SLC1A1: variants seen among roughly 807,000 people sequenced by gnomAD.
SLC1A1 encodes the protein solute carrier family 1 member 1, also known as excitatory amino acid transporter 3.
SLC1A1 carries 43 observed loss-of-function variants against 53.3 expected under a neutral mutation model. The observed-to-expected ratio is 0.81, with a 90% CI of 0.63 to 1.04. The LOEUF (loss-of-function observed/expected upper bound fraction) is 1.04, where lower values mean the gene tolerates loss of function less well. SLC1A1 is among the 50% of genes least tolerant of loss of function. SLC1A1 has a pLI of 0.00. For missense variants in SLC1A1, 748 were observed against 664.9 expected (o/e 1.12, Z -1.37); for synonymous variants, 307 against 243.2 (o/e 1.26, Z -2.44).
At chr9:4,580,651 G>GTGTGTGTGTGTGTGTGTGTGTA (rs370378540) in intron 10 of SLC1A1, among the ~76,000 whole-genome samples, 28 of 118,838 alleles carry the variant, frequency 2.4e-4, no homozygotes, top group Admixed American at 6.8e-4. Flanking sequence ...GTGTGTGTGT[G>GTGTGTGTGTGTGTGTGTGTGTA]TATAAGGAAT....
chr9:4,568,365 C>G (rs1158810401), intron 6 of SLC1A1, among the ~76,000 whole-genome samples: 1 of 151,490 alleles, frequency 6.6e-6, no homozygotes, highest in Non-Finnish European at 1.5e-5. Context: ...CTGCAGTGAG[C>G]CATGATTGAA....
chr9:4,568,562 C>G (rs1008075264), intron 6 of SLC1A1, among the ~76,000 whole-genome samples: 12 of 151,766 alleles, frequency 7.9e-5, no homozygotes, highest in Non-Finnish European at 1.5e-4. Context: ...ATGCACAAAA[C>G]ATTTTAATAT....
intron 6 of SLC1A1, among the ~76,000 whole-genome samples, chr9:4,571,858 C>T (rs1179011431): frequency 6.6e-6 from 1 of 152,004 alleles, no homozygotes; most frequent in Non-Finnish European, 1.5e-5. Context: ...TTTAAGCAGA[C>T]TCCAAATGTA....
rs535828582 is a variant in SLC1A1, at chr9:4,556,163, G to A, written c.233-5286G>A. Among the ~76,000 whole-genome samples, 47 of 152,030 alleles carry A rather than the reference G, an allele frequency of 3.1e-4. No individual in the cohort carries two copies. Among genetic ancestry groups the A allele is most frequent in the African/African-American group, 1.1e-3 (44 of 41,488 alleles). On this transcript the variant is annotated intron_variant, in intron 2 of 11. Transcript: ENST00000262352. This position sits in a 1 kb window ranked among gnomAD's most constrained non-coding sequence, Gnocchi z 4.1. ...ACCATCACACCCAGCAAATTTGTGT[G>A]TGTGTGTGGTTTTGTTTTTGTTTTT... is the stretch of plus-strand genomic sequence containing the variant.
chr9:4,574,698 G>T (rs1820383870), intron 8 of SLC1A1, among the ~76,000 whole-genome samples: 1 of 152,102 alleles, frequency 6.6e-6, no homozygotes, highest in African/African-American at 2.4e-5. Flanking sequence ...CACCTAGACA[G>T]GGGCAGAATA....
intron 1 of SLC1A1, among the ~76,000 whole-genome samples, chr9:4,539,630 G>A (rs1468911093): frequency 6.6e-6 from 1 of 152,084 alleles, no homozygotes; most frequent in Non-Finnish European, 1.5e-5. Flanking sequence ...GGAGTACAGT[G>A]GCATGATCTC....
intron 6 of SLC1A1, among the ~76,000 whole-genome samples, chr9:4,569,269 G>A (rs990107427): frequency 1.3e-5 from 2 of 152,176 alleles, no homozygotes; most frequent in Admixed American, 1.3e-4. Flanking sequence ...GCCATGTGGT[G>A]TATATACTGC....
intron 1 of SLC1A1, among the ~76,000 whole-genome samples, chr9:4,543,853 G>A (rs1454707392): frequency 6.6e-6 from 1 of 152,058 alleles, no homozygotes; most frequent in Non-Finnish European, 1.5e-5. Context: ...ATAAAAATAT[G>A]AGAAAAATAC....
chr9:4,506,161 T>C lies in SLC1A1; in HGVS notation c.91+15391T>C, dbSNP rs566491765. Among the ~76,000 whole-genome samples, 4 of 152,248 alleles carry C rather than the reference T, an allele frequency of 2.6e-5. No individual in the cohort carries two copies. In the South Asian group the frequency reaches 8.3e-4, roughly 32 times the overall value. The stretch of plus-strand genomic sequence containing the variant: ...TAGTAGAGACGGGGTTTCGCCATGT[T>C]AGCCAGGCTGGTCTAGAACTCATGA... On this transcript the variant is annotated intron_variant, in intron 1 of 11. Transcript: ENST00000262352.
intron 1 of SLC1A1, among the ~76,000 whole-genome samples, chr9:4,534,756 A>C (rs1402611855): frequency 1.3e-5 from 2 of 152,130 alleles, no homozygotes; most frequent in Non-Finnish European, 2.9e-5. Flanking sequence ...CACAACAAAG[A>C]AAGAGAATTT....
intron 10 of SLC1A1, among the ~76,000 whole-genome samples, chr9:4,578,023 C>T (rs530826096): frequency 6.6e-6 from 1 of 152,198 alleles, no homozygotes; most frequent in Admixed American, 6.5e-5. Context: ...GTGGGGCTTA[C>T]CAGAACAGGA....
intron 10 of SLC1A1, among the ~76,000 whole-genome samples, chr9:4,579,877 T>A (rs1820892674): frequency 6.6e-6 from 1 of 152,010 alleles, no homozygotes. Context: ...GATTGAAAAT[T>A]GTGTGAGAAT....
intron 1 of SLC1A1, among the ~76,000 whole-genome samples, chr9:4,543,882 T>C (rs1817228025): frequency 6.6e-6 from 1 of 152,048 alleles, no homozygotes; most frequent in South Asian, 2.1e-4. Context: ...ATGTAAACTA[T>C]AAAATATGTA....
At chr9:4,545,524 G>A (rs1179745860) in intron 2 of SLC1A1, among the ~76,000 whole-genome samples, 5 of 152,156 alleles carry the variant, frequency 3.3e-5, no homozygotes, top group Non-Finnish European at 7.4e-5. Context: ...TTTCCCAACT[G>A]CAGCTGTGCT....
At chr9:4,510,643 G>A (rs938074906) in intron 1 of SLC1A1, among the ~76,000 whole-genome samples, 1 of 152,172 alleles carries the variant, frequency 6.6e-6, no homozygotes, top group African/African-American at 2.4e-5. Context: ...TGTTGATACA[G>A]CTGCCAGCAC....
chr9:4,491,274 C>T (rs1820228075), intron 1 of SLC1A1, among the ~76,000 whole-genome samples: 1 of 152,178 alleles, frequency 6.6e-6, no homozygotes, highest in Admixed American at 6.5e-5. Flanking sequence ...AGGCTGAGAA[C>T]GCTGTCGCCG....
intron 1 of SLC1A1, among the ~76,000 whole-genome samples, chr9:4,538,954 ATAATTAATTTGCTTAATGTAG>A (rs1816786668): frequency 6.6e-6 from 1 of 152,288 alleles, no homozygotes; most frequent in African/African-American, 2.4e-5. Flanking sequence ...AAAAAGACAC[ATAATTAATTTGCTTAATGTAG>A]TGCCTAGCAT....
chr9:4,510,354 G>T (rs532970298), intron 1 of SLC1A1, among the ~76,000 whole-genome samples: 1 of 152,280 alleles, frequency 6.6e-6, no homozygotes, highest in South Asian at 2.1e-4. Flanking sequence ...GGCGGAGAAG[G>T]CACCTAGAAT....
chr9:4,516,761 C>T (rs1316179421), intron 1 of SLC1A1, among the ~76,000 whole-genome samples: 1 of 152,214 alleles, frequency 6.6e-6, no homozygotes, highest in East Asian at 1.9e-4. Flanking sequence ...TATAGTTTAA[C>T]ACACGGTTTA....
Sources: allele counts gnomAD v4.1 joint callset (sites outside exome capture counted in the v4.1 genomes callset), GRCh38; gene constraint gnomAD v4.1.1; non-coding constraint Gnocchi (gnomAD v3.1); transcripts MANE v1.5; gene names NCBI Gene and HGNC (gene_info 2026-07-23, HGNC 2026-07-21).